ITGBL1: variants seen among roughly 807,000 people sequenced by gnomAD.
ITGBL1 encodes integrin beta-like protein 1.
In ITGBL1, 51 loss-of-function variants were observed where a neutral mutation model predicts 68.5. The observed-to-expected ratio is 0.74, with a 90% CI of 0.59 to 0.94. The LOEUF (loss-of-function observed/expected upper bound fraction) is 0.94, where lower values mean the gene tolerates loss of function less well. ITGBL1 is among the 40% of genes least tolerant of loss of function. ITGBL1 has a pLI of 0.00. For missense variants in ITGBL1, 649 were observed against 647.4 expected (o/e 1.00, Z -0.03); for synonymous variants, 209 against 227.3 (o/e 0.92, Z 0.72).
chr13:101,591,232 G>T (rs866700498), intron 6 of ITGBL1, among the ~76,000 whole-genome samples: 71 of 152,126 alleles, frequency 4.7e-4, no homozygotes, highest in Middle Eastern at 6.8e-3. Context: ...TGAATGAATG[G>T]CAAAAGCCAT....
intron 2 of ITGBL1, among the ~76,000 whole-genome samples, chr13:101,531,708 T>TTTTGTTAG (rs10642342): frequency 2.6e-5 from 3 of 116,410 alleles, no homozygotes; most frequent in African/African-American, 1.3e-4. Context: ...TTGTTATTTA[T>TTTTGTTAG]TTATTTATTT....
chr13:101,550,035 G>A (rs1372118051), intron 2 of ITGBL1, among the ~76,000 whole-genome samples: 2 of 152,098 alleles, frequency 1.3e-5, no homozygotes, highest in Non-Finnish European at 2.9e-5. Flanking sequence ...ATAAAGGACT[G>A]CTAGATGATT....
chr13:101,676,380 A>G (rs1285043050), intron 7 of ITGBL1, among the ~76,000 whole-genome samples: 1 of 152,170 alleles, frequency 6.6e-6, no homozygotes, highest in African/African-American at 2.4e-5. Flanking sequence ...AGGAATTGAG[A>G]TAATATCTAA....
chr13:101,550,154 G>A (rs1423760825), intron 2 of ITGBL1, among the ~76,000 whole-genome samples: 1 of 152,112 alleles, frequency 6.6e-6, no homozygotes, highest in Non-Finnish European at 1.5e-5. Context: ...TTCTCCATGG[G>A]CCTCTTGTGT....
chr13:101,710,056 G>C (rs1352649411), intron 9 of ITGBL1, among the ~76,000 whole-genome samples: 1 of 152,166 alleles, frequency 6.6e-6, no homozygotes, highest in Non-Finnish European at 1.5e-5. Context: ...ACAAAACAAA[G>C]CCAAAGAGTC....
intron 3 of ITGBL1, 82 bp from the exon 4 acceptor site, chr13:101,575,342 C>CT: frequency 1.5e-6 from 2 of 1,320,528 alleles, no homozygotes; most frequent in Non-Finnish European, 2.1e-6. Context: ...TATCTACTCT[C>CT]TTGAGAGAGA....
chr13:101,687,241 G>A (rs1313008979), intron 7 of ITGBL1, among the ~76,000 whole-genome samples: 2 of 151,710 alleles, frequency 1.3e-5, no homozygotes, highest in Admixed American at 6.6e-5. Context: ...TATTTCATAC[G>A]AAACAGATTC....
intron 2 of ITGBL1, among the ~76,000 whole-genome samples, chr13:101,513,956 T>C (rs1157492405): frequency 6.6e-6 from 1 of 152,088 alleles, no homozygotes; most frequent in Non-Finnish European, 1.5e-5. Flanking sequence ...AATAAATATT[T>C]ATATAGTGTT....
At chr13:101,478,709 G>T (rs1020915965) in intron 2 of ITGBL1, among the ~76,000 whole-genome samples, 2 of 151,942 alleles carry the variant, frequency 1.3e-5, no homozygotes, top group African/African-American at 4.8e-5. Context: ...AAGAAATCAA[G>T]AAAGTAACCT....
At chr13:101,669,110 C>T (rs1408424684) in intron 7 of ITGBL1, among the ~76,000 whole-genome samples, 2 of 148,630 alleles carry the variant, frequency 1.3e-5, no homozygotes, top group South Asian at 4.2e-4. Flanking sequence ...ATACCTTTTT[C>T]GTTAAAAAAA....
intron 2 of ITGBL1, among the ~76,000 whole-genome samples, chr13:101,454,306 A>T (rs374023809): frequency 6.6e-6 from 1 of 152,034 alleles, no homozygotes; most frequent in East Asian, 1.9e-4. Context: ...ACTTGAATGG[A>T]AGTAAAGTTT....
At chr13:101,686,461 T>C (rs2033757465) in intron 7 of ITGBL1, among the ~76,000 whole-genome samples, 1 of 152,056 alleles carries the variant, frequency 6.6e-6, no homozygotes. Context: ...AGACAAATAT[T>C]CAAGTGCTGA....
At chr13:101,642,601 C>T (rs2032419948) in intron 7 of ITGBL1, among the ~76,000 whole-genome samples, 1 of 151,988 alleles carries the variant, frequency 6.6e-6, no homozygotes, top group Non-Finnish European at 1.5e-5. Flanking sequence ...GCTTTTGTTG[C>T]CATTGCTTTT....
intron 7 of ITGBL1, among the ~76,000 whole-genome samples, chr13:101,630,908 A>G (rs1566765929): frequency 1.3e-5 from 2 of 152,194 alleles, no homozygotes; most frequent in African/African-American, 2.4e-5. Context: ...AAAGATAAAG[A>G]CTTCTTTTAG....
At chr13:101,633,013 C>T (rs759647105) in intron 7 of ITGBL1, among the ~76,000 whole-genome samples, 1 of 152,182 alleles carries the variant, frequency 6.6e-6, no homozygotes, top group Non-Finnish European at 1.5e-5. Flanking sequence ...CTCATTTCTC[C>T]CAAGTTCCCA....
chr13:101,528,895 T>C (rs1214172729), intron 2 of ITGBL1, among the ~76,000 whole-genome samples: 2 of 151,814 alleles, frequency 1.3e-5, no homozygotes. Context: ...CTAGAGGTAA[T>C]AAAAACTAGT....
chr13:101,479,866 G>A (rs2048591763), intron 2 of ITGBL1, among the ~76,000 whole-genome samples: 1 of 152,030 alleles, frequency 6.6e-6, no homozygotes. Context: ...CAGTGTTGGT[G>A]GGAATGAAAA....
chr13:101,575,805 G>A (rs1273990037), intron 4 of ITGBL1, among the ~76,000 whole-genome samples: 1 of 152,106 alleles, frequency 6.6e-6, no homozygotes, highest in African/African-American at 2.4e-5. Flanking sequence ...TAGCTCTGAA[G>A]TAGTCCTAGT....
chr13:101,684,066 A>AAATGGTT (rs2033701103), intron 7 of ITGBL1, among the ~76,000 whole-genome samples: 1 of 152,008 alleles, frequency 6.6e-6, no homozygotes, highest in Non-Finnish European at 1.5e-5. Flanking sequence ...ATTATAATTC[A>AAATGGTT]AATGGTTAAT....
Sources: allele counts gnomAD v4.1 joint callset (sites outside exome capture counted in the v4.1 genomes callset), GRCh38; gene constraint gnomAD v4.1.1; transcripts MANE v1.5; gene names NCBI Gene and HGNC (gene_info 2026-07-23, HGNC 2026-07-21).